CADM2: variants seen among roughly 807,000 people sequenced by gnomAD.
CADM2 encodes immunoglobulin superfamily member 4D.
CADM2 carries 12 observed loss-of-function variants against 49.8 expected under a neutral mutation model. The ratio of observed to expected loss-of-function variants is 0.24; its 90% CI spans 0.15 to 0.39. The LOEUF (loss-of-function observed/expected upper bound fraction) is 0.39, where lower values mean the gene tolerates loss of function less well. CADM2 is among the 10% of genes least tolerant of loss of function. The pLI, the probability that CADM2 is intolerant of heterozygous loss-of-function variation, is 1.00. For missense variants in CADM2, 378 were observed against 492.3 expected, an observed-to-expected ratio of 0.77 and a Z score of 2.20; for synonymous variants, 214 against 175.4, an observed-to-expected ratio of 1.22 and a Z score of -1.74.
intron 1 of CADM2, among the ~76,000 whole-genome samples, chr3:85,010,556 T>C (rs560747402): frequency 1.2e-4 from 18 of 152,250 alleles, no homozygotes; most frequent in African/African-American, 4.3e-4. Flanking sequence ...TCCAAGCACT[T>C]AGAATTCTTC....
chr3:85,754,301 A>T, intron 2 of CADM2, among the ~76,000 whole-genome samples: 1 of 152,040 alleles, frequency 6.6e-6, no homozygotes, highest in East Asian at 1.9e-4. Flanking sequence ...AGGTGCAACC[A>T]ATTATTCTTT....
At chr3:85,419,464 A>G (rs1446349272) in intron 1 of CADM2, among the ~76,000 whole-genome samples, 13 of 152,150 alleles carry the variant, frequency 8.5e-5, no homozygotes, top group Admixed American at 8.5e-4. Flanking sequence ...TCTCGAAAAA[A>G]AAAAAAAAAT....
At chr3:85,194,605 G>A (rs912508679) in intron 1 of CADM2, among the ~76,000 whole-genome samples, 1 of 151,924 alleles carries the variant, frequency 6.6e-6, no homozygotes, top group Admixed American at 6.6e-5. Context: ...TAGAAATAAG[G>A]CTAAAAAATG....
intron 1 of CADM2, among the ~76,000 whole-genome samples, chr3:85,588,016 T>C (rs1379642988): frequency 6.6e-6 from 1 of 152,048 alleles, no homozygotes; most frequent in Non-Finnish European, 1.5e-5. Context: ...ACCACCTGCT[T>C]CAAGCTTTCC....
intron 1 of CADM2, among the ~76,000 whole-genome samples, chr3:85,689,495 C>G (rs1190202334): frequency 1.3e-5 from 2 of 152,094 alleles, no homozygotes; most frequent in East Asian, 3.8e-4. Context: ...ATATGCATCA[C>G]AGAGGACAGA....
intron 1 of CADM2, among the ~76,000 whole-genome samples, chr3:85,104,200 A>C (rs200576487): frequency 0.048 from 7,221 of 151,110 alleles, 244 homozygotes; most frequent in East Asian, 0.14. Context: ...TTAAGTCTTT[A>C]ATCCATCTTG....
rs80230121 is a variant in CADM2, at chr3:85,758,331, C to G, written c.88+31783C>G. Among the ~76,000 whole-genome samples, 203 of 152,162 alleles carry G rather than the reference C, an allele frequency of 1.3e-3. 7 individuals are homozygous for G. In the East Asian group the frequency reaches 0.035, roughly 26 times the overall value. ...TGATCATTATTACCATACTGCCATGCACAGAGGGACTCAAAAAATATTAGT... is the reference window on the plus strand; with the variant it reads ...TGATCATTATTACCATACTGCCATGGACAGAGGGACTCAAAAAATATTAGT... On this transcript the variant is annotated intron_variant, in intron 2 of 9. Transcript: ENST00000383699.
chr3:85,598,686 C>T (rs888922172), intron 1 of CADM2, among the ~76,000 whole-genome samples: 24 of 151,874 alleles, frequency 1.6e-4, no homozygotes, highest in African/African-American at 5.3e-4. Flanking sequence ...TGTGTCAGAA[C>T]CTCTGTTCTA....
chr3:85,835,961 T>C (rs1225004942), intron 3 of CADM2, among the ~76,000 whole-genome samples: 1 of 151,290 alleles, frequency 6.6e-6, no homozygotes, highest in Non-Finnish European at 1.5e-5. Flanking sequence ...TCATATGTGT[T>C]TAAAAGCCCT....
intron 1 of CADM2, among the ~76,000 whole-genome samples, chr3:85,152,050 T>C (rs1316528555): frequency 6.6e-6 from 1 of 152,212 alleles, no homozygotes; most frequent in Non-Finnish European, 1.5e-5. Context: ...TCCAAATTTC[T>C]ATATATCACG....
intron 1 of CADM2, among the ~76,000 whole-genome samples, chr3:85,172,870 TATATA>T (rs2040665058): frequency 6.8e-6 from 1 of 147,210 alleles, no homozygotes; most frequent in Admixed American, 6.9e-5. Flanking sequence ...GTGATAATGT[TATATA>T]TTATGTATAA....
intron 8 of CADM2, among the ~76,000 whole-genome samples, chr3:86,010,591 T>C (rs1731374226): frequency 6.6e-6 from 1 of 151,084 alleles, no homozygotes; most frequent in Non-Finnish European, 1.5e-5. Context: ...TAAAACCTTA[T>C]TTAAAAGAAA....
chr3:85,853,663 C>A, intron 3 of CADM2, among the ~76,000 whole-genome samples: 1 of 148,334 alleles, frequency 6.7e-6, no homozygotes, highest in African/African-American at 2.5e-5. Context: ...AAACTAGAAA[C>A]TTCCATGAGA....
At chr3:85,637,858 C>T (rs1318227319) in intron 1 of CADM2, among the ~76,000 whole-genome samples, 2 of 151,942 alleles carry the variant, frequency 1.3e-5, no homozygotes, top group Non-Finnish European at 2.9e-5. Flanking sequence ...ACAAATTTAT[C>T]ACAAAAATTT....
At chr3:85,713,458 A>C (rs2107743286) in intron 1 of CADM2, among the ~76,000 whole-genome samples, 1 of 152,232 alleles carries the variant, frequency 6.6e-6, no homozygotes, top group East Asian at 1.9e-4. Context: ...CCTAAACCAT[A>C]GTTTATATCC....
intron 1 of CADM2, among the ~76,000 whole-genome samples, chr3:85,153,668 T>G (rs2040007077): frequency 6.6e-6 from 1 of 151,602 alleles, no homozygotes; most frequent in African/African-American, 2.4e-5. Flanking sequence ...AGCAGTAACC[T>G]CTGCAGACTT....
chr3:85,259,904 G>T (rs896421431), intron 1 of CADM2, among the ~76,000 whole-genome samples: 15 of 151,996 alleles, frequency 9.9e-5, no homozygotes, highest in African/African-American at 3.6e-4. Flanking sequence ...AAATCGTTGT[G>T]CCAGGGTTTC....
At chr3:85,106,860 C>G (rs754671124) in intron 1 of CADM2, among the ~76,000 whole-genome samples, 11 of 151,850 alleles carry the variant, frequency 7.2e-5, no homozygotes, top group South Asian at 2.1e-4. Context: ...AGTCATTGGC[C>G]CATCATAACA....
At chr3:85,923,803 C>T (rs1034684751) in intron 6 of CADM2, among the ~76,000 whole-genome samples, 15 of 152,214 alleles carry the variant, frequency 9.9e-5, no homozygotes, top group Admixed American at 5.2e-4. Context: ...CTGTGGTTAT[C>T]GGCAATTGAA....
Sources: allele counts gnomAD v4.1 joint callset (sites outside exome capture counted in the v4.1 genomes callset), GRCh38; gene constraint gnomAD v4.1.1; transcripts MANE v1.5; gene names NCBI Gene and HGNC (gene_info 2026-07-23, HGNC 2026-07-21).